The following FSIP2 variants were observed in gnomAD, a reference collection of about 807,000 sequenced individuals.
The protein encoded by FSIP2 is fibrous sheath-interacting protein 2.
Under a neutral mutation model 510.5 loss-of-function variants are expected in FSIP2, and 367 were observed. That is an observed-to-expected ratio of 0.72 (90% CI 0.66 to 0.78). The LOEUF (loss-of-function observed/expected upper bound fraction) is 0.78, where lower values mean the gene tolerates loss of function less well. Among genes scored for constraint, FSIP2 ranks in the 30% least tolerant of loss-of-function variants. The pLI is 0.00. For missense variants in FSIP2, 7,594 were observed against 7,901.7 expected (o/e 0.96, Z 1.48); for synonymous variants, 2,601 against 2,732.2 (o/e 0.95, Z 1.50).
At chr2:185,823,940 A>ATGAACT (rs1425606776) in intron 19 of FSIP2, among the ~76,000 whole-genome samples, 1 of 151,868 alleles carries the variant, frequency 6.6e-6, no homozygotes, top group Non-Finnish European at 1.5e-5. Context: ...TACTAGATGT[A>ATGAACT]TGAACTTTGA....
chr2:185,805,607 C>G lies in FSIP2; in HGVS notation c.16301C>G (p.Ala5434Gly), dbSNP rs1693547902. 6.2e-7 allele frequency: 1 copy of G among 1,608,414 alleles called. No homozygotes were observed. The highest frequency in any genetic ancestry group is 8.5e-7 in the Non-Finnish European group (1 of 1,177,644). Residue 5434 changes from alanine to glycine, a missense_variant, in exon 17 of 23, where the codon GCA becomes GGA. Transcript: ENST00000424728. ...ACCTTTACACAAATAAGCAGATGTG[C>G]AAAAGAGAACCAACTTTCTTTACCA... ...QNTFTQISRC[A>G]KENQLSLPDQ...
chr2:185,755,688 T>C (rs763950880), intron 8 of FSIP2, among the ~76,000 whole-genome samples: 9 of 151,550 alleles, frequency 5.9e-5, no homozygotes, highest in Non-Finnish European at 1.2e-4. Flanking sequence ...ATCACTCTTA[T>C]AGTTTACATC....
chr2:185,818,535 G>T (rs1462794916), intron 19 of FSIP2, among the ~76,000 whole-genome samples: 1 of 151,836 alleles, frequency 6.6e-6, no homozygotes, highest in African/African-American at 2.4e-5. Context: ...TAATCAAACT[G>T]TCAGAAGACA....
rs1213183007 is a variant in FSIP2, at chr2:185,800,214, G to A, written c.10908G>A (p.Met3636Ile). The A allele has an allele frequency of 6.5e-7, 1 of 1,532,102 alleles. No homozygotes were observed. 94.9% of individuals were successfully genotyped at this position (1,532,102 alleles called of 1,614,324 possible). ...ATGTAAGAAACAAATCATTTTCTATGCATAGAAATAATAGTGTACCCCTTT... is the reference window on the plus strand; with the variant it reads ...ATGTAAGAAACAAATCATTTTCTATACATAGAAATAATAGTGTACCCCTTT... ...ESNVRNKSFS[M>I]HRNNSVPLCN... The change falls in exon 17 of 23, where the codon ATG becomes ATA. Residue 3636 changes from methionine (M) to isoleucine (I), a missense_variant. Met to Ile is a conservative substitution (Grantham distance 10, BLOSUM62 1). Coordinates refer to ENST00000424728, the MANE Select transcript of FSIP2 (RefSeq NM_173651.4).
At position 185,747,349 on chromosome 2, in the gene FSIP2, A is replaced by T; in HGVS notation, c.796A>T (p.Met266Leu). The T allele has an allele frequency of 6.5e-7, 1 of 1,531,834 alleles. No individual in the cohort carries two copies. The highest frequency in any genetic ancestry group is 8.7e-7 in the Non-Finnish European group (1 of 1,143,032). The allele number at this position is 1,531,834 out of a possible 1,614,324, so 94.9% of individuals were successfully genotyped here. A position where few individuals can be genotyped will look rare whatever the true frequency, so the allele number is the denominator to read the frequency against. ...KTKEMLLLTR[M>L]AEDVKREERI... ...AAAAGAGATGTTACTTCTGACAAGG[A>T]TGGCAGAAGATGTTAAAAGAGAAGA... The change falls in exon 7 of 23, where the codon ATG (methionine) becomes TTG (leucine). Residue 266 changes from methionine (M) to leucine (L), a missense_variant. Transcript: ENST00000424728.
At chr2:185,764,676 C>A in intron 13 of FSIP2, 111 bp downstream of exon 13, 1 of 772,794 alleles carries the variant, frequency 1.3e-6, no homozygotes, top group Non-Finnish European at 2.1e-6. Flanking sequence ...TTTAATCATT[C>A]AAGGAAAAAT....
Position 185,824,460 on chromosome 2 carries a change from C to T in FSIP2, c.20453C>T (p.Pro6818Leu). 1 of 1,588,504 alleles carries T rather than the reference C, an allele frequency of 6.3e-7. No individual in the cohort carries two copies. The highest frequency in any genetic ancestry group is 8.6e-7 in the Non-Finnish European group (1 of 1,164,894). ...TGEAEDCHSD[P>L]SAKILEESSQ... The stretch of plus-strand genomic sequence containing the variant: ...GAGGCTGAAGATTGTCACTCAGACC[C>T]AAGTGCTAAAATATTAGAAGGTTGG... The change falls in exon 20 of 23, where the codon CCA (proline) becomes CTA (leucine). Residue 6818 changes from proline to leucine, a missense_variant. Transcript: ENST00000424728.
chr2:185,763,343 T>A, intron 12 of FSIP2, 54 bp downstream of exon 12: 1 of 759,676 alleles, frequency 1.3e-6, no homozygotes, highest in Non-Finnish European at 2.3e-6. Flanking sequence ...GGATATGATC[T>A]TATGGTCATA....
chr2:185,764,180 AATC>A (rs1283269912), intron 12 of FSIP2, among the ~76,000 whole-genome samples: 1 of 151,522 alleles, frequency 6.6e-6, no homozygotes, highest in African/African-American at 2.4e-5. Context: ...ATCCATATTA[AATC>A]TTAGATTGCC....
rs1388556611 is a variant in FSIP2 at position 185,801,445 on chromosome 2, G to A, written c.12139G>A (p.Val4047Ile). Residue 4047 changes from valine (V) to isoleucine (I), a missense_variant, in exon 17 of 23, where the codon GTT (valine) becomes ATT (isoleucine). Transcript: ENST00000424728. The stretch of plus-strand genomic sequence containing the variant: ...TCATACAGAAACTGTTAGCAAAATT[G>A]TTGACTCAGTTTATTATGATGTTTT... ...PVHTETVSKI[V>I]DSVYYDVLQQ... 2 of 1,533,830 alleles carry A rather than the reference G, an allele frequency of 1.3e-6. No homozygotes were observed. The highest frequency in any genetic ancestry group is 2.4e-5 in the South Asian group (2 of 83,934).
Position 185,802,799 on chromosome 2 carries a change from C to G in FSIP2, c.13493C>G (p.Ser4498Ter), listed in dbSNP as rs889318245. 40 of 1,520,676 alleles carry G rather than the reference C, an allele frequency of 2.6e-5. No individual in the cohort carries two copies. Among genetic ancestry groups the G allele is most frequent in the Non-Finnish European group, 3.4e-5 (39 of 1,141,058 alleles). 94.2% of individuals were successfully genotyped at this position (1,520,676 alleles called of 1,614,324 possible). Residue 4498 changes from serine to a stop codon, truncating the protein, a stop_gained, in exon 17 of 23, where the codon TCA becomes TGA. Transcript: ENST00000424728. LOFTEE classifies it high-confidence loss of function. The stretch of plus-strand genomic sequence containing the variant: ...AACAGAGACACCCAAAAAGATATAT[C>G]AAGAGTGAATTTCAATGACATTGCT... ...VLNRDTQKDI[S>*]RVNFNDIASN...
chr2:185,805,085 C>T lies in FSIP2; in HGVS notation c.15779C>T (p.Ala5260Val). 6.2e-7 allele frequency: 1 copy of T among 1,604,970 alleles called. No individual in the cohort carries two copies. Among genetic ancestry groups the T allele is most frequent in the South Asian group, 1.1e-5 (1 of 89,820 alleles). ...GATTATGACCATGTCTCTGAACTTG[C>T]TAAATCTGGTAAAGAAAAGACACAG... ...LSDYDHVSEL[A>V]KSGKEKTQPS... is the part of the protein sequence containing the mutation. Residue 5260 changes from alanine to valine, a missense_variant, in exon 17 of 23, where the codon GCT becomes GTT. Coordinates refer to ENST00000424728, the MANE Select transcript of FSIP2 (RefSeq NM_173651.4).
intron 14 of FSIP2, among the ~76,000 whole-genome samples, chr2:185,784,773 T>C (rs1006829595): frequency 1.6e-4 from 25 of 152,102 alleles, no homozygotes; most frequent in Admixed American, 1.2e-3. Flanking sequence ...CCTAAATAAG[T>C]GCTCTCTGGA....
intron 8 of FSIP2, 53 bp from the exon 9 acceptor site, chr2:185,756,139 T>C: frequency 1.4e-6 from 1 of 692,652 alleles, no homozygotes; most frequent in South Asian, 2.3e-5. Flanking sequence ...CTATCTTGGG[T>C]AATTCTGTCA....
At chr2:185,737,486 G>T (rs1691806476), upstream of FSIP2, among the ~76,000 whole-genome samples, 1 of 152,110 alleles carries the variant, frequency 6.6e-6, no homozygotes, top group Non-Finnish European at 1.5e-5. Context: ...AATGATTAGC[G>T]GCTTAACCGG....
Position 185,792,127 on chromosome 2 carries a change from ATT to A in FSIP2, c.4993_4994del (p.Leu1665GlufsTer10). The A allele has an allele frequency of 6.5e-7, 1 of 1,533,906 alleles. No individual in the cohort carries two copies. ...ACAGAATTAAATGTGACCTCATCAG[ATT>A]TGAAGACAAGTGTAGAAAACCCACC... On this transcript the variant is annotated frameshift_variant, in exon 16 of 23. Coordinates refer to ENST00000424728, the MANE Select transcript of FSIP2 (RefSeq NM_173651.4). LOFTEE classifies it high-confidence loss of function.
chr2:185,808,588 A>C lies in FSIP2; in HGVS notation c.19282A>C (p.Asn6428His), dbSNP rs190235420. 2,945 of 1,609,288 alleles carry C rather than the reference A, an allele frequency of 1.8e-3. 12 individuals are homozygous for C. Among genetic ancestry groups the C allele is most frequent in the Middle Eastern group, 0.012 (70 of 6,024 alleles). Residue 6428 changes from asparagine to histidine, a missense_variant, in exon 17 of 23, where the codon AAC (asparagine) becomes CAC (histidine). By Grantham distance (68) the Asn-to-His change is moderately conservative. Coordinates refer to ENST00000424728, the MANE Select transcript of FSIP2 (RefSeq NM_173651.4). The stretch of plus-strand genomic sequence containing the variant: ...TCAGGTTGTCGATTCCGTTTATAGT[A>C]ACATACTGCAACAATCAGGAACCAA... The part of the protein sequence containing the change: ...IYQVVDSVYS[N>H]ILQQSGTNKE...
intron 13 of FSIP2, among the ~76,000 whole-genome samples, chr2:185,780,694 CTTGT>C (rs1032086763): frequency 6.6e-6 from 1 of 151,736 alleles, no homozygotes; most frequent in African/African-American, 2.4e-5. Flanking sequence ...GCCATGGTTT[CTTGT>C]TTTTCTTTTT....
rs1355810028 is a variant in FSIP2, at chr2:185,807,778, T to C, written c.18472T>C (p.Phe6158Leu). 1.2e-6 allele frequency: 2 copies of C among 1,612,516 alleles called. No homozygotes were observed. Among genetic ancestry groups the C allele is most frequent in the Non-Finnish European group, 1.7e-6 (2 of 1,179,188 alleles). The change falls in exon 17 of 23, where the codon TTC becomes CTC. Residue 6158 changes from phenylalanine to leucine, a missense_variant. Physicochemically the swap from Phe to Leu is conservative, Grantham distance 22 (BLOSUM62 0). Transcript: ENST00000424728. ...NIVEKILKDV[F>L]QTTDVPLPKP... ...CGTTGAAAAGATCCTTAAAGATGTT[T>C]TCCAAACTACTGATGTGCCCCTACC...
Sources: allele counts gnomAD v4.1 joint callset (sites outside exome capture counted in the v4.1 genomes callset), GRCh38; gene constraint gnomAD v4.1.1; transcripts MANE v1.5; gene names NCBI Gene and HGNC (gene_info 2026-07-23, HGNC 2026-07-21).